The following POC1B variants were observed in gnomAD, a reference collection of about 807,000 sequenced individuals.
POC1B encodes the protein POC1 centriolar protein B.
POC1B carries 44 observed loss-of-function variants against 60.6 expected under a neutral mutation model. The observed-to-expected ratio is 0.73, with a 90% CI of 0.57 to 0.93. The LOEUF (loss-of-function observed/expected upper bound fraction) is 0.93, where lower values mean the gene tolerates loss of function less well. Ranked by LOEUF, POC1B falls within the 40% of genes least tolerant of loss-of-function variation. The pLI is 0.00. For synonymous variants in POC1B, 180 were observed against 198.9 expected (o/e 0.90, Z 0.80); for missense variants, 555 against 572.3 (o/e 0.97, Z 0.31).
intron 2 of POC1B, chr12:89,521,854 G>T (rs1396084024): frequency 5.0e-6 from 2 of 397,704 alleles, no homozygotes; most frequent in Non-Finnish European, 4.4e-6. Flanking sequence ...GAACTCGTAG[G>T]AGAGTTCCAC....
At chr12:89,521,676 C>T (rs1870889355) in intron 2 of POC1B, 1 of 232,714 alleles carries the variant, frequency 4.3e-6, no homozygotes, top group African/African-American at 2.2e-5. Flanking sequence ...AGTTACATTC[C>T]TCAGCTGAGC....
chr12:89,508,315 T>C (rs1327545263), intron 2 of POC1B, among the ~76,000 whole-genome samples: 1 of 152,234 alleles, frequency 6.6e-6, no homozygotes, highest in African/African-American at 2.4e-5. Flanking sequence ...TTTTGATAAT[T>C]TTAAGCTTAC....
intron 10 of POC1B, among the ~76,000 whole-genome samples, chr12:89,436,611 G>A (rs931522623): frequency 6.6e-6 from 1 of 152,078 alleles, no homozygotes; most frequent in Admixed American, 6.6e-5. Context: ...CTATTTGGGA[G>A]GCTGAGGCAG....
chr12:89,500,759 AATAG>A (rs1869521667), intron 2 of POC1B: 1 of 1,076,038 alleles, frequency 9.3e-7, no homozygotes, highest in African/African-American at 1.6e-5. Flanking sequence ...AATAGATAGA[AATAG>A]ATAATAAAGT....
At chr12:89,417,537 T>G (rs1416928141), downstream of POC1B, among the ~76,000 whole-genome samples, 1 of 152,248 alleles carries the variant, frequency 6.6e-6, no homozygotes, top group South Asian at 2.1e-4. Context: ...CTCTGCTTAA[T>G]AGATACATCA....
intron 2 of POC1B, chr12:89,500,844 C>G: frequency 9.6e-7 from 1 of 1,046,046 alleles, no homozygotes; most frequent in Admixed American, 2.2e-5. Flanking sequence ...GAATAGAATA[C>G]GACATTCAGA....
chr12:89,497,567 C>T (rs189654939), intron 2 of POC1B, among the ~76,000 whole-genome samples: 110 of 152,320 alleles, frequency 7.2e-4, no homozygotes, highest in African/African-American at 2.5e-3. Flanking sequence ...AGCAGGATGA[C>T]TGGCCCCCGT....
chr12:89,511,066 T>C (rs1170195517), intron 2 of POC1B, among the ~76,000 whole-genome samples: 1 of 151,992 alleles, frequency 6.6e-6, no homozygotes, highest in Admixed American at 6.6e-5. Context: ...ACAGTACATA[T>C]TTTAGATAAC....
chr12:89,471,691 C>T lies in POC1B; in HGVS notation c.599G>A (p.Cys200Tyr), dbSNP rs199621519. The T allele has an allele frequency of 4.6e-5, 74 of 1,610,382 alleles. No homozygotes were observed. In the East Asian group the frequency reaches 1.6e-3, roughly 35 times the overall value. ...NFVDFNPSGTCIASAGSDQTV... is the reference protein window; with the variant it reads ...NFVDFNPSGTYIASAGSDQTV... The stretch of plus-strand genomic sequence containing the variant: ...TTGATCAGAACCTGCTGAAGCTATG[C>T]ATGTACCACTAGGGTTAAAGTCCAC... Residue 200 changes from cysteine (C) to tyrosine (Y), a missense_variant, in exon 6 of 12, where the codon TGC becomes TAC. By Grantham distance (194) the Cys-to-Tyr change is radical. Transcript: ENST00000313546.
At chr12:89,423,578 G>T (rs1446149435) in intron 11 of POC1B, among the ~76,000 whole-genome samples, 4 of 152,134 alleles carry the variant, frequency 2.6e-5, no homozygotes, top group African/African-American at 9.7e-5. Context: ...TCTAATTATA[G>T]TTCAGTAACG....
rs762607487 is a variant in POC1B, at chr12:89,522,818, T to A, written c.100+2302A>T. 63 of 1,578,366 alleles carry A rather than the reference T, an allele frequency of 4.0e-5. No individual in the cohort carries two copies. The East Asian group carries it at 1.4e-3, about 35-fold the overall frequency. ...GACGAAAGTGCTGTTGTGCTCTATT[T>A]CTCAAAACTCCAAATTTGATTTTTA... On this transcript the variant is annotated intron_variant, in intron 2 of 11. Coordinates refer to ENST00000313546, the MANE Select transcript of POC1B (RefSeq NM_172240.3).
intron 2 of POC1B, chr12:89,523,092 A>G: frequency 1.2e-6 from 2 of 1,613,922 alleles, no homozygotes; most frequent in Non-Finnish European, 1.7e-6. Flanking sequence ...AAGTATATTC[A>G]AAGAATTGAT....
intron 2 of POC1B, among the ~76,000 whole-genome samples, chr12:89,513,832 G>A (rs189874836): frequency 6.6e-6 from 1 of 152,292 alleles, no homozygotes; most frequent in East Asian, 1.9e-4. Flanking sequence ...ACCCTGCTGT[G>A]AAAATTGTCT....
At chr12:89,443,241 C>T (rs1881611836) in intron 10 of POC1B, among the ~76,000 whole-genome samples, 1 of 152,184 alleles carries the variant, frequency 6.6e-6, no homozygotes, top group African/African-American at 2.4e-5. Context: ...CTCAGCTCTG[C>T]ACCAAGTGGA....
At chr12:89,525,796 G>A (rs1871426459) in intron 1 of POC1B, 85 bp downstream of exon 1, 1 of 1,381,346 alleles carries the variant, frequency 7.2e-7, no homozygotes. Context: ...TCTCCCTCCA[G>A]GTGCGGCTTC....
At chr12:89,522,906 A>G (rs1871009632) in intron 2 of POC1B, 1 of 1,614,038 alleles carries the variant, frequency 6.2e-7, no homozygotes, top group East Asian at 2.2e-5. Context: ...GATAAGCACT[A>G]AGACACAGTC....
chr12:89,525,657 CG>C, intron 1 of POC1B: 1 of 1,268,704 alleles, frequency 7.9e-7, no homozygotes, highest in Non-Finnish European at 1.0e-6. Context: ...TCCGGAGCTC[CG>C]GAACTCGGGG....
rs776029811 is a variant in POC1B, at chr12:89,420,370, ACT to A, written c.*781_*782del. 6 of 152,278 alleles carry A rather than the reference ACT, an allele frequency of 3.9e-5. No individual in the cohort carries two copies. The East Asian group carries it at 5.8e-4, about 15-fold the overall frequency. 9.4% of individuals were successfully genotyped at this position (152,278 alleles called of 1,614,324 possible). A position where few individuals can be genotyped will look rare whatever the true frequency, so the allele number is the denominator to read the frequency against. ...TATTTTTAAATATCACTTTTGTATCACTCTGACTTTTTAGCATACTGAAAACA... is the reference window on the plus strand; with the variant it reads ...TATTTTTAAATATCACTTTTGTATCACTGACTTTTTAGCATACTGAAAACA... On this transcript the variant is annotated 3_prime_UTR_variant, in exon 12 of 12. Coordinates refer to ENST00000313546, the MANE Select transcript of POC1B (RefSeq NM_172240.3).
chr12:89,500,716 C>T lies in POC1B; in HGVS notation c.101-3374G>A, dbSNP rs1029660397. On this transcript the variant is annotated intron_variant, in intron 2 of 11. Transcript: ENST00000313546. ...CACTTAAAACCAAAAAAAGATTAAA[C>T]TTTGAAGATAAAGTTATTTTAAAGA... 5 of 1,315,780 alleles carry T rather than the reference C, an allele frequency of 3.8e-6. No individual in the cohort carries two copies. In the African/African-American group the frequency reaches 7.4e-5, roughly 20 times the overall value. The allele number at this position is 1,315,780 out of a possible 1,614,324, so 81.5% of individuals were successfully genotyped here. A position where few individuals can be genotyped will look rare whatever the true frequency, so the allele number is the denominator to read the frequency against.
Sources: gnomAD v4.1 joint callset for allele counts (sites outside exome capture counted in the v4.1 genomes callset) on GRCh38, gnomAD v4.1.1 for gene constraint, MANE v1.5 for transcripts, NCBI Gene and HGNC (gene_info 2026-07-23, HGNC 2026-07-21) for gene names.